The following GRM7 variants were observed in gnomAD, a reference collection of about 807,000 sequenced individuals.
The protein encoded by GRM7 is glutamate metabotropic receptor 7.
In GRM7, 35 loss-of-function variants were observed where a neutral mutation model predicts 84.5. The observed-to-expected ratio is 0.41, with a 90% CI of 0.32 to 0.55. The LOEUF (loss-of-function observed/expected upper bound fraction) is 0.55. Among genes scored for constraint, GRM7 ranks in the 20% least tolerant of loss-of-function variants. The pLI is 0.19. For missense variants in GRM7, 1,003 were observed against 1,194.6 expected, an observed-to-expected ratio of 0.84 and a Z score of 2.36; for synonymous variants, 487 against 455.1, an observed-to-expected ratio of 1.07 and a Z score of -0.89.
chr3:7,294,402 A>T (rs2125015384), intron 2 of GRM7, among the ~76,000 whole-genome samples: 1 of 152,136 alleles, frequency 6.6e-6, no homozygotes, highest in African/African-American at 2.4e-5. Flanking sequence ...TATCCTCCAT[A>T]ATGCTTTCCA....
rs959072083 is a variant in GRM7 at position 6,863,100 on chromosome 3, C to G, written c.519+1193C>G. ...TCTTTCCCTATATGTGCATCACTCT[C>G]TCTTTCTGTCTCTGTCTCCTTGCTG... On this transcript the variant is annotated intron_variant, in intron 1 of 9. Coordinates refer to ENST00000357716, the MANE Select transcript of GRM7 (RefSeq NM_000844.4). This position sits in a 1 kb window ranked among gnomAD's most constrained non-coding sequence, Gnocchi z 4.8. 1.6e-5 allele frequency: 6 copies of G among 382,606 alleles called. No individual in the cohort carries two copies. Among genetic ancestry groups the G allele is most frequent in the African/African-American group, 1.3e-4 (6 of 46,002 alleles). The allele number at this position is 382,606 out of a possible 1,614,324, so 23.7% of individuals were successfully genotyped here. A position where few individuals can be genotyped will look rare whatever the true frequency, so the allele number is the denominator to read the frequency against.
intron 1 of GRM7, among the ~76,000 whole-genome samples, chr3:7,138,484 A>G (rs922453941): frequency 6.6e-6 from 1 of 151,970 alleles, no homozygotes; most frequent in African/African-American, 2.4e-5. Context: ...GCATACTGGT[A>G]GACATGAAAA....
At chr3:7,515,403 C>T (rs748476267) in intron 7 of GRM7, among the ~76,000 whole-genome samples, 2 of 152,070 alleles carry the variant, frequency 1.3e-5, no homozygotes, top group Non-Finnish European at 2.9e-5. Context: ...AGCACTGCCC[C>T]GAGCTGACAA....
At chr3:7,456,147 G>A (rs1340507259) in intron 6 of GRM7, among the ~76,000 whole-genome samples, 4 of 151,704 alleles carry the variant, frequency 2.6e-5, no homozygotes, top group Admixed American at 6.6e-5. Flanking sequence ...ATTTGCTGAG[G>A]TCAGTTTCTG....
intron 9 of GRM7, among the ~76,000 whole-genome samples, chr3:7,718,940 T>G (rs1701848838): frequency 6.6e-6 from 1 of 152,230 alleles, no homozygotes; most frequent in South Asian, 2.1e-4. Context: ...GTGCAATGTC[T>G]CATATGTTTG....
chr3:7,139,421 A>G (rs1693874229), intron 1 of GRM7, among the ~76,000 whole-genome samples: 1 of 151,908 alleles, frequency 6.6e-6, no homozygotes, highest in Non-Finnish European at 1.5e-5. Context: ...AAAGTTATTT[A>G]GTTAGAGAAG....
chr3:7,420,888 C>T (rs1299410512), intron 5 of GRM7, among the ~76,000 whole-genome samples: 1 of 152,044 alleles, frequency 6.6e-6, no homozygotes, highest in South Asian at 2.1e-4. Context: ...ACATGGAATA[C>T]CAATTAATAT....
intron 4 of GRM7, among the ~76,000 whole-genome samples, chr3:7,361,676 T>C (rs1421231112): frequency 2.0e-5 from 3 of 152,064 alleles, no homozygotes; most frequent in Admixed American, 6.6e-5. Flanking sequence ...AACCAGTACA[T>C]GCTAATTTAA....
intron 1 of GRM7, among the ~76,000 whole-genome samples, chr3:7,092,628 C>G (rs1387433602): frequency 5.3e-5 from 8 of 151,488 alleles, no homozygotes; most frequent in Non-Finnish European, 1.2e-4. Context: ...GATTAAAAGT[C>G]ACTTGAGATC....
chr3:7,736,347 G>A (rs1488246222), intron 9 of GRM7, among the ~76,000 whole-genome samples: 2 of 152,186 alleles, frequency 1.3e-5, no homozygotes, highest in South Asian at 2.1e-4. Context: ...TGTTTTGTAG[G>A]TATCATCTAC....
intron 8 of GRM7, among the ~76,000 whole-genome samples, chr3:7,613,976 A>C (rs1473166330): frequency 6.6e-6 from 1 of 152,124 alleles, no homozygotes; most frequent in Non-Finnish European, 1.5e-5. Flanking sequence ...TAAAAATAAA[A>C]ATGTCAGCTG....
chr3:7,280,342 T>A (rs2124994368), intron 2 of GRM7, among the ~76,000 whole-genome samples: 1 of 152,298 alleles, frequency 6.6e-6, no homozygotes, highest in East Asian at 1.9e-4. Context: ...GCATATCACG[T>A]TCCCTGGTAA....
chr3:7,302,642 TA>T (rs1700042815), intron 3 of GRM7, among the ~76,000 whole-genome samples: 2 of 152,276 alleles, frequency 1.3e-5, no homozygotes, highest in African/African-American at 4.8e-5. Flanking sequence ...GGTCAGCTTT[TA>T]TTTTGTGAAA....
chr3:7,250,222 A>C (rs1575080352), intron 2 of GRM7, among the ~76,000 whole-genome samples: 1 of 152,346 alleles, frequency 6.6e-6, no homozygotes, highest in African/African-American at 2.4e-5. Flanking sequence ...AAAATGCCTC[A>C]GAAGATTTCT....
At chr3:7,066,007 C>A (rs1050448189) in intron 1 of GRM7, among the ~76,000 whole-genome samples, 1 of 151,864 alleles carries the variant, frequency 6.6e-6, no homozygotes, top group Admixed American at 6.6e-5. Context: ...CCTATCAAAA[C>A]CTCTGGGATA....
chr3:7,316,036 A>C (rs1447635392), intron 4 of GRM7, among the ~76,000 whole-genome samples: 3 of 152,154 alleles, frequency 2.0e-5, no homozygotes, highest in Non-Finnish European at 4.4e-5. Flanking sequence ...TTGATAAGTG[A>C]TTTGAATAAA....
intron 2 of GRM7, among the ~76,000 whole-genome samples, chr3:7,234,804 A>G (rs766915133): frequency 1.3e-5 from 2 of 152,184 alleles, no homozygotes; most frequent in South Asian, 2.1e-4. Flanking sequence ...AAGATTCCTG[A>G]TATTTTCCAG....
chr3:7,283,920 A>G (rs1412300639), intron 2 of GRM7, among the ~76,000 whole-genome samples: 1 of 152,214 alleles, frequency 6.6e-6, no homozygotes, highest in Non-Finnish European at 1.5e-5. Flanking sequence ...TGATTCAAAC[A>G]ACATATATGT....
At chr3:7,457,042 T>C (rs1440676270) in intron 6 of GRM7, among the ~76,000 whole-genome samples, 1 of 152,176 alleles carries the variant, frequency 6.6e-6, no homozygotes. Flanking sequence ...GATCTAGAAC[T>C]CAAGTCTTTT....
Sources: allele counts gnomAD v4.1 joint callset (sites outside exome capture counted in the v4.1 genomes callset), GRCh38; gene constraint gnomAD v4.1.1; non-coding constraint Gnocchi (gnomAD v3.1); transcripts MANE v1.5; gene names NCBI Gene and HGNC (gene_info 2026-07-23, HGNC 2026-07-21).